PLCG2: variants seen among roughly 807,000 people sequenced by gnomAD.
The protein encoded by PLCG2 is 1-phosphatidylinositol 4,5-bisphosphate phosphodiesterase gamma-2.
PLCG2 carries 69 observed loss-of-function variants against 175.6 expected under a neutral mutation model. That is an observed-to-expected ratio of 0.39 (90% confidence interval 0.32 to 0.48). The LOEUF is 0.48. PLCG2 is among the 20% of genes least tolerant of loss of function. The pLI is 0.91. For missense variants in PLCG2, 1,798 were observed against 1,650.9 expected (o/e 1.09, Z -1.54); for synonymous variants, 827 against 624.0 (o/e 1.33, Z -4.85).
chr16:81,925,950 C>A (rs144128790), intron 22 of PLCG2, among the ~76,000 whole-genome samples: 1 of 151,532 alleles, frequency 6.6e-6, no homozygotes, highest in Non-Finnish European at 1.5e-5. Context: ...TATAATTATA[C>A]GTTAAGTATA....
chr16:81,762,793 AT>A (rs1387899723), intron 2 of PLCG2, among the ~76,000 whole-genome samples: 8 of 152,218 alleles, frequency 5.3e-5, no homozygotes, highest in Non-Finnish European at 8.8e-5. Flanking sequence ...GGCATTAAAA[AT>A]ACTTGCTAAT....
upstream of PLCG2, among the ~76,000 whole-genome samples, chr16:81,774,650 G>A (rs965188211): frequency 7.2e-5 from 11 of 152,114 alleles, no homozygotes; most frequent in African/African-American, 7.2e-5. Context: ...GGTTCCCTGG[G>A]GCAGGGCGGT....
chr16:81,908,691 G>C, intron 17 of PLCG2, 100 bp downstream of exon 17: 1 of 1,035,840 alleles, frequency 9.7e-7, no homozygotes. Flanking sequence ...TGGGCAGGCT[G>C]GGACCTGAAT....
chr16:81,780,082 T>C (rs976698671), intron 1 of PLCG2, among the ~76,000 whole-genome samples: 1 of 152,130 alleles, frequency 6.6e-6, no homozygotes, highest in Non-Finnish European at 1.5e-5. Flanking sequence ...AGCTCCTGGA[T>C]TCCAGCAGGA....
intron 9 of PLCG2, among the ~76,000 whole-genome samples, chr16:81,886,764 AC>A (rs1597108273): frequency 1.3e-5 from 2 of 152,092 alleles, no homozygotes; most frequent in Non-Finnish European, 2.9e-5. Flanking sequence ...AATAACCTGT[AC>A]CTCCTGGGGT....
chr16:81,849,919 A>T (rs762466523), intron 2 of PLCG2, among the ~76,000 whole-genome samples: 1 of 152,212 alleles, frequency 6.6e-6, no homozygotes, highest in Non-Finnish European at 1.5e-5. Context: ...TGGGTGGGTG[A>T]ATAACTAACT....
At chr16:81,954,160 G>A (rs905655581) in intron 31 of PLCG2, among the ~76,000 whole-genome samples, 31 of 151,970 alleles carry the variant, frequency 2.0e-4, no homozygotes, top group Non-Finnish European at 1.2e-4. Context: ...ATAGCTGGGA[G>A]TACAGGGTAT....
At position 81,958,076 on chromosome 16, in the gene PLCG2, C is replaced by A; in HGVS notation, c.*78C>A. The stretch of plus-strand genomic sequence containing the variant: ...TGTAGGAGAACGTGCCCTATTCACA[C>A]TCTGGGAAGACGCTAATCTGTGACA... On this transcript the variant is annotated 3_prime_UTR_variant, in exon 33 of 33. Transcript: ENST00000564138. 9.9e-7 allele frequency: 1 copy of A among 1,012,158 alleles called. No individual in the cohort carries two copies. The highest frequency in any genetic ancestry group is 1.6e-6 in the Non-Finnish European group (1 of 635,854). The allele number at this position is 1,012,158 out of a possible 1,614,324, so 62.7% of individuals were successfully genotyped here.
At chr16:81,812,389 C>A (rs1330520085) in intron 2 of PLCG2, among the ~76,000 whole-genome samples, 1 of 152,148 alleles carries the variant, frequency 6.6e-6, no homozygotes, top group Non-Finnish European at 1.5e-5. Context: ...TTCTAACTGG[C>A]ATGAGATGGT....
chr16:81,846,127 A>C (rs536270529), intron 2 of PLCG2, among the ~76,000 whole-genome samples: 1 of 152,304 alleles, frequency 6.6e-6, no homozygotes, highest in Admixed American at 6.5e-5. Flanking sequence ...GTCGTGGCTC[A>C]CAGGTGCCCC....
Position 81,889,410 on chromosome 16 carries a change from A to G in PLCG2, c.867+137A>G, listed in dbSNP as rs28534531. The G allele has an allele frequency of 0.019, 11,492 of 591,130 alleles. 1,064 individuals are homozygous for G. The African/African-American group carries it at 0.2, about 10-fold the overall frequency. 36.6% of individuals were successfully genotyped at this position (591,130 alleles called of 1,614,324 possible). ...TGCCTCGACTGACTGGTTAGCTGGGATTGTTTCTTTTCTTTTCTTTTCTTT... is the reference window on the plus strand; with the variant it reads ...TGCCTCGACTGACTGGTTAGCTGGGGTTGTTTCTTTTCTTTTCTTTTCTTT... On this transcript the variant is annotated intron_variant, in intron 10 of 32. Coordinates refer to ENST00000564138, the MANE Select transcript of PLCG2 (RefSeq NM_002661.5).
chr16:81,846,804 C>A (rs1278643196), intron 2 of PLCG2, among the ~76,000 whole-genome samples: 2 of 152,194 alleles, frequency 1.3e-5, no homozygotes, highest in Non-Finnish European at 2.9e-5. Context: ...AACACTTCAC[C>A]TCAGAGAAAG....
chr16:81,839,636 A>G (rs1359128705), intron 2 of PLCG2, among the ~76,000 whole-genome samples: 4 of 152,220 alleles, frequency 2.6e-5, no homozygotes, highest in African/African-American at 7.2e-5. Context: ...GGTGCCAGGT[A>G]TGTATTTTTT....
At chr16:81,757,786 A>C in intron 2 of PLCG2, among the ~76,000 whole-genome samples, 1 of 151,862 alleles carries the variant, frequency 6.6e-6, no homozygotes, top group Non-Finnish European at 1.5e-5. Flanking sequence ...CCCCAAACAG[A>C]AACCCAGTAC....
intron 2 of PLCG2, among the ~76,000 whole-genome samples, chr16:81,814,305 A>G (rs535347942): frequency 6.6e-6 from 1 of 152,188 alleles, no homozygotes; most frequent in Non-Finnish European, 1.5e-5. Flanking sequence ...GCAGTGCTTC[A>G]GGAGCTGAGA....
At chr16:81,850,343 C>T (rs923045255) in intron 2 of PLCG2, among the ~76,000 whole-genome samples, 1 of 152,058 alleles carries the variant, frequency 6.6e-6, no homozygotes, top group East Asian at 1.9e-4. Context: ...AAGCTTCCCC[C>T]AGATAAATGA....
chr16:81,808,050 A>G (rs1401448235), intron 2 of PLCG2, among the ~76,000 whole-genome samples: 1 of 152,192 alleles, frequency 6.6e-6, no homozygotes, highest in Non-Finnish European at 1.5e-5. Flanking sequence ...TATGCAAACA[A>G]TATTAGGTTG....
chr16:81,882,634 C>G (rs1908141402), intron 8 of PLCG2, among the ~76,000 whole-genome samples: 1 of 152,034 alleles, frequency 6.6e-6, no homozygotes, highest in African/African-American at 2.4e-5. Flanking sequence ...TTCCCTCGCT[C>G]CTACTCCTCT....
chr16:81,827,123 GGA>G (rs1905079198), intron 2 of PLCG2, among the ~76,000 whole-genome samples: 1 of 152,064 alleles, frequency 6.6e-6, no homozygotes, highest in South Asian at 2.1e-4. Context: ...AAGACTCAGG[GGA>G]TGCCCCTCAA....
Sources: gnomAD v4.1 joint callset for allele counts (sites outside exome capture counted in the v4.1 genomes callset) on GRCh38, gnomAD v4.1.1 for gene constraint, MANE v1.5 for transcripts, NCBI Gene and HGNC (gene_info 2026-07-23, HGNC 2026-07-21) for gene names.